ASAP1: variants seen among roughly 807,000 people sequenced by gnomAD.
ASAP1 encodes the protein arf-GAP with SH3 domain, ANK repeat and PH domain-containing protein 1.
Under a neutral mutation model 145.2 loss-of-function variants are expected in ASAP1, and 43 were observed. The ratio of observed to expected loss-of-function variants is 0.30; its 90% CI spans 0.23 to 0.38. The LOEUF (loss-of-function observed/expected upper bound fraction) is 0.38. Ranked by LOEUF, ASAP1 falls within the 10% of genes least tolerant of loss-of-function variation. The probability of loss-of-function intolerance (pLI) is 1.00; values close to 1 mark genes in which losing one functional copy is unlikely to be tolerated. For synonymous variants in ASAP1, 546 were observed against 515.5 expected (o/e 1.06, Z -0.80); for missense variants, 1,018 against 1,355.3 (o/e 0.75, Z 3.91).
At chr8:130,200,594 A>T (rs1398738625) in intron 5 of ASAP1, among the ~76,000 whole-genome samples, 1 of 152,242 alleles carries the variant, frequency 6.6e-6, no homozygotes, top group African/African-American at 2.4e-5. Context: ...AAAGATGTTT[A>T]AACAGCAAAA....
chr8:130,118,750 C>G (rs1014987057), intron 18 of ASAP1, 75 bp from the exon 19 acceptor site: 3 of 1,111,352 alleles, frequency 2.7e-6, no homozygotes, highest in Non-Finnish European at 3.6e-6. Flanking sequence ...ACAAACATTT[C>G]TCTTTGAGAA....
chr8:130,347,367 A>G (rs1825758096), intron 3 of ASAP1, among the ~76,000 whole-genome samples: 1 of 152,230 alleles, frequency 6.6e-6, no homozygotes, highest in African/African-American at 2.4e-5. Flanking sequence ...ACACTTGCAG[A>G]GGGAAGGGCA....
At chr8:130,343,184 A>G (rs1197086069) in intron 3 of ASAP1, among the ~76,000 whole-genome samples, 2 of 152,166 alleles carry the variant, frequency 1.3e-5, no homozygotes, top group Non-Finnish European at 2.9e-5. Context: ...TCTGAGCCCA[A>G]GAGAGAGGCC....
At chr8:130,097,353 A>G (rs2097520661) in intron 24 of ASAP1, among the ~76,000 whole-genome samples, 1 of 151,588 alleles carries the variant, frequency 6.6e-6, no homozygotes, top group Non-Finnish European at 1.5e-5. Context: ...GTGTCTTCTG[A>G]TCTGTTCTTC....
chr8:130,153,761 TATA>T (rs1304885869), intron 12 of ASAP1, among the ~76,000 whole-genome samples: 1 of 152,162 alleles, frequency 6.6e-6, no homozygotes, highest in Admixed American at 6.5e-5. Context: ...ACTACAATGA[TATA>T]ATAATAACTC....
intron 12 of ASAP1, among the ~76,000 whole-genome samples, chr8:130,157,486 G>C (rs2097660313): frequency 6.6e-6 from 1 of 151,994 alleles, no homozygotes; most frequent in Non-Finnish European, 1.5e-5. Context: ...CCTCTAACTG[G>C]TCTCCTTGTC....
intron 3 of ASAP1, among the ~76,000 whole-genome samples, chr8:130,339,093 A>C (rs1332096006): frequency 6.6e-6 from 1 of 152,242 alleles, no homozygotes; most frequent in African/African-American, 2.4e-5. Flanking sequence ...AAGGAAACTT[A>C]AATACAGATA....
chr8:130,281,818 G>A (rs1821265584), intron 3 of ASAP1, among the ~76,000 whole-genome samples: 1 of 152,292 alleles, frequency 6.6e-6, no homozygotes, highest in East Asian at 1.9e-4. Flanking sequence ...TGTAATCCCA[G>A]CACTTCGAGA....
intron 25 of ASAP1, chr8:130,084,916 G>A (rs910335308): frequency 6.6e-6 from 1 of 152,132 alleles, no homozygotes; most frequent in Non-Finnish European, 1.5e-5. Flanking sequence ...CCAATTTTTG[G>A]TATAGTTTTT....
chr8:130,181,714 T>C (rs1042401166), intron 7 of ASAP1, among the ~76,000 whole-genome samples: 12 of 152,192 alleles, frequency 7.9e-5, no homozygotes, highest in African/African-American at 2.9e-4. Context: ...AAGGCCCACA[T>C]TAAACATACA....
chr8:130,413,364 T>C (rs1250193365), intron 1 of ASAP1, among the ~76,000 whole-genome samples: 1 of 152,222 alleles, frequency 6.6e-6, no homozygotes, highest in Non-Finnish European at 1.5e-5. Flanking sequence ...CCACACTCTT[T>C]GTAATTACCG....
intron 3 of ASAP1, among the ~76,000 whole-genome samples, chr8:130,321,722 C>A (rs1262270017): frequency 6.6e-6 from 1 of 152,148 alleles, no homozygotes; most frequent in East Asian, 1.9e-4. Context: ...TCCACTCCTC[C>A]CACTCAAAAT....
At chr8:130,318,531 T>C (rs1463011966) in intron 3 of ASAP1, among the ~76,000 whole-genome samples, 1 of 152,304 alleles carries the variant, frequency 6.6e-6, no homozygotes, top group East Asian at 1.9e-4. Context: ...AGCAACACAA[T>C]GAGTCGGCAG....
At chr8:130,140,435 A>G (rs1433396092) in intron 13 of ASAP1, among the ~76,000 whole-genome samples, 2 of 151,780 alleles carry the variant, frequency 1.3e-5, no homozygotes, top group Admixed American at 6.6e-5. Context: ...CATGTGTCAC[A>G]GGGGTTTGTT....
At chr8:130,373,796 G>A (rs547292545) in intron 2 of ASAP1, among the ~76,000 whole-genome samples, 5 of 144,808 alleles carry the variant, frequency 3.5e-5, no homozygotes, top group African/African-American at 1.0e-4. Context: ...GCAGTGAGCC[G>A]AGATCGTGCC....
At chr8:130,325,665 T>C (rs1347524207) in intron 3 of ASAP1, among the ~76,000 whole-genome samples, 2 of 152,200 alleles carry the variant, frequency 1.3e-5, no homozygotes, top group East Asian at 1.9e-4. Context: ...TTACCATACA[T>C]AGAACAGAAT....
chr8:130,112,027 T>C (rs2097547732), intron 24 of ASAP1, 67 bp downstream of exon 24: 1 of 1,431,464 alleles, frequency 7.0e-7, no homozygotes, highest in African/African-American at 1.4e-5. Flanking sequence ...GGCTAGACTA[T>C]CAGCTCTGAG....
chr8:130,295,344 T>C (rs1822201540), intron 3 of ASAP1, among the ~76,000 whole-genome samples: 1 of 152,110 alleles, frequency 6.6e-6, no homozygotes, highest in South Asian at 2.1e-4. Flanking sequence ...TAACTCTTTT[T>C]TTTTTTTCTT....
chr8:130,365,240 GT>G (rs1348578087), intron 2 of ASAP1, among the ~76,000 whole-genome samples: 5 of 152,180 alleles, frequency 3.3e-5, no homozygotes, highest in Non-Finnish European at 7.3e-5. Context: ...TTTGCTCAAG[GT>G]TAACAGTTAA....
Sources: allele counts gnomAD v4.1 joint callset (sites outside exome capture counted in the v4.1 genomes callset), GRCh38; gene constraint gnomAD v4.1.1; transcripts MANE v1.5; gene names NCBI Gene and HGNC (gene_info 2026-07-23, HGNC 2026-07-21).